PRKN: variants seen among roughly 807,000 people sequenced by gnomAD.
The protein encoded by PRKN is parkin RBR E3 ubiquitin protein ligase.
Under a neutral mutation model 59.5 loss-of-function variants are expected in PRKN, and 56 were observed. The observed-to-expected ratio is 0.94, with a 90% CI of 0.76 to 1.18. The LOEUF is 1.18. PRKN is among the 50% of genes most tolerant of loss of function. The probability of loss-of-function intolerance (pLI) is 0.00; values close to 1 mark genes in which losing one functional copy is unlikely to be tolerated. For missense variants in PRKN, 657 were observed against 596.4 expected, an observed-to-expected ratio of 1.10 and a Z score of -1.06; for synonymous variants, 250 against 222.1, an observed-to-expected ratio of 1.13 and a Z score of -1.12.
intron 9 of PRKN, among the ~76,000 whole-genome samples, chr6:161,424,336 C>CA (rs56268660): frequency 0.047 from 5,134 of 109,092 alleles, 361 homozygotes; most frequent in African/African-American, 0.17. Flanking sequence ...GATTCTGTCT[C>CA]AAAAAAAAAA....
At chr6:162,664,169 T>C (rs1464709314) in intron 1 of PRKN, among the ~76,000 whole-genome samples, 4 of 152,122 alleles carry the variant, frequency 2.6e-5, no homozygotes, top group African/African-American at 9.7e-5. Flanking sequence ...CTGTGTTAGT[T>C]TGCTGAGGAT....
At chr6:161,883,002 C>G (rs1794995166) in intron 6 of PRKN, among the ~76,000 whole-genome samples, 1 of 143,878 alleles carries the variant, frequency 7.0e-6, no homozygotes, top group Admixed American at 7.0e-5. Flanking sequence ...GAGACTCTGA[C>G]TCAAAGAAAA....
chr6:162,665,994 T>G (rs9458638), intron 1 of PRKN, among the ~76,000 whole-genome samples: 27,616 of 152,108 alleles, frequency 0.18, 3,118 homozygotes, highest in East Asian at 0.48. Context: ...AAACTGAAAC[T>G]GGATCCCTTC....
intron 1 of PRKN, among the ~76,000 whole-genome samples, chr6:162,519,008 G>A (rs879807107): frequency 7.2e-5 from 11 of 151,840 alleles, no homozygotes; most frequent in Non-Finnish European, 1.3e-4. Flanking sequence ...AGCACTTTAG[G>A]AAAATATAAA....
chr6:161,944,690 G>C (rs1397604641), intron 6 of PRKN, among the ~76,000 whole-genome samples: 1 of 152,176 alleles, frequency 6.6e-6, no homozygotes, highest in East Asian at 1.9e-4. Context: ...TAAATAAAAG[G>C]TGAAAGAATC....
chr6:162,432,524 A>AAAAC (rs71671690), intron 2 of PRKN, among the ~76,000 whole-genome samples: 4,871 of 151,852 alleles, frequency 0.032, 281 homozygotes, highest in African/African-American at 0.11. Flanking sequence ...GACACCGTCT[A>AAAAC]AAACAAACAA....
intron 7 of PRKN, among the ~76,000 whole-genome samples, chr6:161,771,647 A>T (rs1453789848): frequency 6.6e-6 from 1 of 152,010 alleles, no homozygotes; most frequent in Non-Finnish European, 1.5e-5. Context: ...TTTTCCAAAC[A>T]CTCGAGTAGA....
intron 1 of PRKN, among the ~76,000 whole-genome samples, chr6:162,644,450 T>C (rs1428241390): frequency 3.3e-5 from 5 of 152,268 alleles, no homozygotes; most frequent in African/African-American, 1.2e-4. Context: ...GGAGCCATCA[T>C]CACTGCCAGC....
chr6:162,053,039 C>A (rs879554143), intron 5 of PRKN, among the ~76,000 whole-genome samples: 5 of 152,116 alleles, frequency 3.3e-5, no homozygotes, highest in Admixed American at 3.3e-4. Context: ...TGGTAGGAAA[C>A]TGGCAAGACT....
At chr6:161,845,110 GA>G (rs1666912967) in intron 6 of PRKN, among the ~76,000 whole-genome samples, 1 of 152,172 alleles carries the variant, frequency 6.6e-6, no homozygotes, top group South Asian at 2.1e-4. Context: ...ACTTCTCTCT[GA>G]CTGAAAATCA....
intron 7 of PRKN, among the ~76,000 whole-genome samples, chr6:161,764,889 A>G (rs994807061): frequency 6.6e-6 from 1 of 152,220 alleles, no homozygotes; most frequent in Non-Finnish European, 1.5e-5. Context: ...AAGCAACTGC[A>G]AATGTTTTCT....
At chr6:162,363,363 C>T (rs1265340894) in intron 2 of PRKN, among the ~76,000 whole-genome samples, 1 of 94,076 alleles carries the variant, frequency 1.1e-5, no homozygotes, top group East Asian at 4.3e-4. Flanking sequence ...CTACTAACCC[C>T]CTTTCTGTAG....
intron 7 of PRKN, among the ~76,000 whole-genome samples, chr6:161,727,163 G>A (rs912910506): frequency 6.6e-6 from 1 of 152,184 alleles, no homozygotes; most frequent in Non-Finnish European, 1.5e-5. Context: ...GCTAGCTGTC[G>A]TTTCTTCACA....
intron 6 of PRKN, among the ~76,000 whole-genome samples, chr6:161,805,460 A>ACACACACACACACG (rs1791271553): frequency 3.0e-5 from 1 of 33,012 alleles, no homozygotes; most frequent in Admixed American, 6.6e-4. Flanking sequence ...ATGCACACAC[A>ACACACACACACACG]CACACACACA....
In PRKN at chr6:161,975,649, G is replaced by A. The variant is rs540509341; in HGVS notation, c.619-2232C>T. Among the ~76,000 whole-genome samples, 6 of 152,160 alleles carry A rather than the reference G, an allele frequency of 3.9e-5. No individual in the cohort carries two copies. In the East Asian group the frequency reaches 9.7e-4, roughly 25 times the overall value. ...GCACGGACTTGCTAAACCAGAGATC[G>A]CTGAACCCACCCTGGGATTTTTGTG... On this transcript the variant is annotated intron_variant, in intron 5 of 11. Coordinates refer to ENST00000366898, the MANE Select transcript of PRKN (RefSeq NM_004562.3).
intron 5 of PRKN, among the ~76,000 whole-genome samples, chr6:161,994,242 G>GA (rs756877636): frequency 0.23 from 31,336 of 137,690 alleles, 3,845 homozygotes; most frequent in Non-Finnish European, 0.29. Flanking sequence ...ATGGTGTGCA[G>GA]AAAAAAAAAA....
At chr6:162,063,614 C>T (rs1582977121) in intron 4 of PRKN, among the ~76,000 whole-genome samples, 1 of 56,860 alleles carries the variant, frequency 1.8e-5, no homozygotes, top group African/African-American at 4.7e-5. Context: ...GTGCGATCTC[C>T]GCTCACTGCA....
chr6:161,850,971 T>A (rs1444862050), intron 6 of PRKN, among the ~76,000 whole-genome samples: 3 of 152,186 alleles, frequency 2.0e-5, no homozygotes, highest in Non-Finnish European at 4.4e-5. Flanking sequence ...GTCTGTGAAA[T>A]CGTAGGAAAA....
At chr6:162,430,560 A>G (rs1789469882) in intron 2 of PRKN, among the ~76,000 whole-genome samples, 1 of 150,892 alleles carries the variant, frequency 6.6e-6, no homozygotes, top group African/African-American at 2.5e-5. Flanking sequence ...AGTTGTATAA[A>G]TACAGAATGG....
Sources: allele counts gnomAD v4.1 joint callset (sites outside exome capture counted in the v4.1 genomes callset), GRCh38; gene constraint gnomAD v4.1.1; transcripts MANE v1.5; gene names NCBI Gene and HGNC (gene_info 2026-07-23, HGNC 2026-07-21).